MAP3K20: variants seen among roughly 807,000 people sequenced by gnomAD.
The protein encoded by MAP3K20 is mitogen-activated protein kinase kinase kinase 20.
Under a neutral mutation model 85.7 loss-of-function variants are expected in MAP3K20, and 40 were observed. That is an observed-to-expected ratio of 0.47 (90% confidence interval 0.36 to 0.61). The LOEUF (loss-of-function observed/expected upper bound fraction) is 0.61. Among genes scored for constraint, MAP3K20 ranks in the 20% least tolerant of loss-of-function variants. The pLI is 0.00. For missense variants in MAP3K20, 817 were observed against 961.7 expected (o/e 0.85, Z 1.99); for synonymous variants, 325 against 327.7 (o/e 0.99, Z 0.09).
chr2:173,224,217 T>A (rs901503760), intron 11 of MAP3K20: 1 of 979,532 alleles, frequency 1.0e-6, no homozygotes. Context: ...GCCCCACTGA[T>A]AAGGTAACAT....
rs1685428310 is a variant in MAP3K20 at position 173,266,561 on chromosome 2, C to A, written c.2214C>A (p.His738Gln). ...PDFKRSPRDLHQPNTIPGMPL... is the reference protein window; with the variant it reads ...PDFKRSPRDLQQPNTIPGMPL... ...TCAAGAGAAGCCCCAGGGACCTCCA[C>A]CAACCCAACACCATACCAGGGATGC... The change falls in exon 20 of 20, where the codon CAC becomes CAA. Residue 738 changes from histidine to glutamine, a missense_variant. Physicochemically the swap from His to Gln is conservative, Grantham distance 24. This residue lies in a region of MAP3K20 where 454 missense variants were observed against 476.9 expected (regional missense o/e 0.95). Coordinates refer to ENST00000375213, the MANE Select transcript of MAP3K20 (RefSeq NM_016653.3). 2 of 1,613,846 alleles carry A rather than the reference C, an allele frequency of 1.2e-6. No homozygotes were observed. The highest frequency in any genetic ancestry group is 1.7e-6 in the Non-Finnish European group (2 of 1,179,926).
chr2:173,097,343 G>A (rs1413346574), intron 2 of MAP3K20, among the ~76,000 whole-genome samples: 1 of 152,158 alleles, frequency 6.6e-6, no homozygotes, highest in Non-Finnish European at 1.5e-5. Flanking sequence ...GCTACAGAGT[G>A]AGACTCTGTC....
At chr2:173,200,249 A>G (rs1022397921) in intron 8 of MAP3K20, among the ~76,000 whole-genome samples, 10 of 152,322 alleles carry the variant, frequency 6.6e-5, no homozygotes, top group African/African-American at 9.6e-5. Flanking sequence ...TTAAGAAGGT[A>G]TCTTCATTTC....
chr2:173,197,976 CA>C, intron 7 of MAP3K20, 49 bp from the exon 8 acceptor site: 1 of 1,555,710 alleles, frequency 6.4e-7, no homozygotes, highest in Non-Finnish European at 8.8e-7. Flanking sequence ...TAATATGTAC[CA>C]AAAAATATAA....
Position 173,267,124 on chromosome 2 carries a change from T to C in MAP3K20, c.*374T>C, listed in dbSNP as rs1436126482. On this transcript the variant is annotated 3_prime_UTR_variant, in exon 20 of 20. Transcript: ENST00000375213. ...AATTTTTAGGAAAAGATAAGATGAA[T>C]GTTACTGATTTTTCCTTTTGGCTGA... is the stretch of plus-strand genomic sequence containing the variant. The C allele has an allele frequency of 6.3e-6, 1 of 159,958 alleles. No homozygotes were observed. The highest frequency in any genetic ancestry group is 1.4e-5 in the Non-Finnish European group (1 of 73,458). The allele number at this position is 159,958 out of a possible 1,614,324, so 9.9% of individuals were successfully genotyped here. A position where few individuals can be genotyped will look rare whatever the true frequency, so the allele number is the denominator to read the frequency against.
At chr2:173,256,447 C>A (rs563701476) in intron 16 of MAP3K20, among the ~76,000 whole-genome samples, 1 of 151,024 alleles carries the variant, frequency 6.6e-6, no homozygotes, top group African/African-American at 2.4e-5. Flanking sequence ...GGCAACATAG[C>A]GAGACACTAA....
At chr2:173,225,570 G>A (rs1684360319) in intron 11 of MAP3K20, 1 of 958,520 alleles carries the variant, frequency 1.0e-6, no homozygotes, top group Admixed American at 7.8e-5. Context: ...CTCCAGCCTG[G>A]ATGACAGAGT....
At chr2:173,155,778 TGTG>T (rs1175470934) in intron 2 of MAP3K20, among the ~76,000 whole-genome samples, 3 of 152,212 alleles carry the variant, frequency 2.0e-5, no homozygotes, top group Admixed American at 6.5e-5. Context: ...AAAATGTTGT[TGTG>T]GTACCCTAGC....
At chr2:173,099,335 GT>G (rs34315902) in intron 2 of MAP3K20, among the ~76,000 whole-genome samples, 37 of 131,178 alleles carry the variant, frequency 2.8e-4, no homozygotes, top group Non-Finnish European at 3.1e-4. Flanking sequence ...GTTTTGTTTT[GT>G]TTTTTTTTTT....
At chr2:173,086,220 G>GA (rs1210455806) in intron 1 of MAP3K20, among the ~76,000 whole-genome samples, 1 of 152,092 alleles carries the variant, frequency 6.6e-6, no homozygotes, top group Non-Finnish European at 1.5e-5. Flanking sequence ...GAATACATTT[G>GA]AAAAATTAGA....
chr2:173,151,482 C>T (rs1328851349), intron 2 of MAP3K20, among the ~76,000 whole-genome samples: 1 of 152,186 alleles, frequency 6.6e-6, no homozygotes, highest in East Asian at 1.9e-4. Context: ...GCCTAGAATG[C>T]AGGTGTCTTG....
At chr2:173,254,002 T>C (rs868136792) in intron 16 of MAP3K20, among the ~76,000 whole-genome samples, 2 of 150,484 alleles carry the variant, frequency 1.3e-5, no homozygotes, top group Non-Finnish European at 2.9e-5. Context: ...GCCCTGGAAA[T>C]TGATGCTGCA....
intron 2 of MAP3K20, among the ~76,000 whole-genome samples, chr2:173,149,372 T>C (rs1279831523): frequency 6.6e-6 from 1 of 152,102 alleles, no homozygotes; most frequent in Non-Finnish European, 1.5e-5. Flanking sequence ...AATGGTGAAA[T>C]CCAAAGTCTG....
intron 11 of MAP3K20, chr2:173,225,771 G>T (rs887170545): frequency 1.3e-5 from 13 of 984,896 alleles, no homozygotes; most frequent in Non-Finnish European, 1.6e-5. Flanking sequence ...CCTGAATTTT[G>T]TGAGTTTCGT....
chr2:173,144,902 T>A (rs1689093842), intron 2 of MAP3K20, among the ~76,000 whole-genome samples: 1 of 152,180 alleles, frequency 6.6e-6, no homozygotes, highest in Admixed American at 6.5e-5. Flanking sequence ...AAAATATAGA[T>A]GCAACAGAAT....
At chr2:173,173,370 G>A (rs1252149347) in intron 3 of MAP3K20, among the ~76,000 whole-genome samples, 3 of 152,054 alleles carry the variant, frequency 2.0e-5, no homozygotes, top group Non-Finnish European at 2.9e-5. Context: ...TGGGTTCCAG[G>A]GTTCTGGTGA....
chr2:173,143,771 A>AT (rs971089221), intron 2 of MAP3K20, among the ~76,000 whole-genome samples: 9 of 152,308 alleles, frequency 5.9e-5, no homozygotes, highest in African/African-American at 1.9e-4. Context: ...TACATAAAAA[A>AT]TTTTTTAAAA....
intron 2 of MAP3K20, among the ~76,000 whole-genome samples, chr2:173,121,625 G>A (rs1243070237): frequency 2.0e-5 from 3 of 151,936 alleles, no homozygotes; most frequent in Non-Finnish European, 2.9e-5. Context: ...CTGACCTCGT[G>A]ATCCGCCCGC....
At chr2:173,168,124 TTTA>T (rs964900223) in intron 2 of MAP3K20, among the ~76,000 whole-genome samples, 12 of 138,824 alleles carry the variant, frequency 8.6e-5, no homozygotes, top group African/African-American at 2.5e-4. Context: ...ATAAATAAAC[TTTA>T]TTATTATTTA....
Sources: allele counts gnomAD v4.1 joint callset (sites outside exome capture counted in the v4.1 genomes callset), GRCh38; gene constraint gnomAD v4.1.1; regional missense constraint gnomAD v4.1.1; transcripts MANE v1.5; gene names NCBI Gene and HGNC (gene_info 2026-07-23, HGNC 2026-07-21).